The following PID1 variants were observed in gnomAD, a reference collection of about 807,000 sequenced individuals.
PID1 encodes the protein PTB-containing, cubilin and LRP1-interacting protein.
Under a neutral mutation model 19.1 loss-of-function variants are expected in PID1, and 10 were observed. The observed-to-expected ratio is 0.52, with a 90% confidence interval of 0.32 to 0.89. The LOEUF (loss-of-function observed/expected upper bound fraction) is 0.89, where lower values mean the gene tolerates loss of function less well. Ranked by LOEUF, PID1 falls within the 40% of genes least tolerant of loss-of-function variation. The pLI is 0.03. For synonymous variants in PID1, 130 were observed against 116.0 expected, an observed-to-expected ratio of 1.12 and a Z score of -0.78; for missense variants, 248 against 285.3, an observed-to-expected ratio of 0.87 and a Z score of 0.94.
intron 1 of PID1, among the ~76,000 whole-genome samples, chr2:229,246,380 T>C (rs1690003557): frequency 6.6e-6 from 1 of 152,168 alleles, no homozygotes; most frequent in Non-Finnish European, 1.5e-5. Context: ...TGGAATATCA[T>C]GCAATATCCC....
chr2:229,268,600 T>G (rs1690654069), intron 1 of PID1, among the ~76,000 whole-genome samples: 1 of 152,172 alleles, frequency 6.6e-6, no homozygotes, highest in Admixed American at 6.5e-5. Context: ...ATGTTTGTAT[T>G]AAAGATAAAT....
intron 1 of PID1, among the ~76,000 whole-genome samples, chr2:229,261,582 G>A (rs1690461801): frequency 6.6e-6 from 1 of 152,228 alleles, no homozygotes; most frequent in Non-Finnish European, 1.5e-5. Flanking sequence ...AAGCAACTCT[G>A]AGGAAAGGTT....
intron 2 of PID1, among the ~76,000 whole-genome samples, chr2:229,152,397 T>A (rs190571335): frequency 2.0e-4 from 30 of 152,278 alleles, no homozygotes; most frequent in Admixed American, 1.8e-3. Context: ...TGGCTATAGG[T>A]TGCATCCCCC....
intron 2 of PID1, among the ~76,000 whole-genome samples, chr2:229,139,791 A>AT (rs1218169087): frequency 6.6e-6 from 1 of 152,216 alleles, no homozygotes; most frequent in Non-Finnish European, 1.5e-5. Flanking sequence ...CCTTGATATA[A>AT]TAAGGAGGAA....
chr2:229,236,974 C>T (rs1049070914), intron 1 of PID1, among the ~76,000 whole-genome samples: 1 of 127,902 alleles, frequency 7.8e-6, no homozygotes, highest in Non-Finnish European at 1.6e-5. Context: ...CGGCCTTCTC[C>T]TTTACACACA....
intron 1 of PID1, chr2:229,232,118 A>C (rs1311967686): frequency 1.5e-5 from 22 of 1,470,262 alleles, no homozygotes; most frequent in Non-Finnish European, 2.0e-5. Flanking sequence ...CTGATGACTT[A>C]ACCACCTCTT....
chr2:229,188,234 T>C (rs1442883830), intron 1 of PID1, among the ~76,000 whole-genome samples: 1 of 151,904 alleles, frequency 6.6e-6, no homozygotes, highest in Non-Finnish European at 1.5e-5. Flanking sequence ...TGGCTTCCAT[T>C]CATTTCTTGG....
At chr2:229,235,295 A>G (rs145583704) in intron 1 of PID1, among the ~76,000 whole-genome samples, 30 of 152,302 alleles carry the variant, frequency 2.0e-4, no homozygotes, top group African/African-American at 6.7e-4. Flanking sequence ...TACTCTACTC[A>G]GAGCCTGAGG....
In PID1 at chr2:229,132,231, C is replaced by A. The variant is rs1469634520; in HGVS notation, c.177+23587G>T. Among the ~76,000 whole-genome samples the A allele has an allele frequency of 2.0e-5, 3 of 152,182 alleles. No individual in the cohort carries two copies. In the East Asian group the frequency reaches 5.8e-4, roughly 29 times the overall value. ...TTGTTCTATCTCCTTGGGGTCATGG[C>A]TCCAATGAGCTTCTGAGGACCACAA... On this transcript the variant is annotated intron_variant, in intron 2 of 2. Coordinates refer to ENST00000392055, the MANE Select transcript of PID1 (RefSeq NM_001100818.2).
Position 229,271,079 on chromosome 2 carries a change from C to A in PID1, c.-36G>T, listed in dbSNP as rs374306470. Reference sequence around the variant, plus strand: ...TGGGTTTTGGCAGAGGAGACGCTGGCGAGACTGTCGATCGCGCCGGGGGGC... The same window carrying A: ...TGGGTTTTGGCAGAGGAGACGCTGGAGAGACTGTCGATCGCGCCGGGGGGC... On this transcript the variant is annotated 5_prime_UTR_variant, in exon 1 of 3. Coordinates refer to ENST00000392055, the MANE Select transcript of PID1 (RefSeq NM_001100818.2). 2.0e-5 allele frequency: 30 copies of A among 1,538,022 alleles called. No homozygotes were observed. In the South Asian group the frequency reaches 2.8e-4, roughly 14 times the overall value.
At chr2:229,156,013 T>C (rs1188443371) in intron 1 of PID1, 49 bp from the exon 2 acceptor site, 2 of 1,564,748 alleles carry the variant, frequency 1.3e-6, no homozygotes, top group Non-Finnish European at 1.7e-6. Flanking sequence ...CTTGGACTTT[T>C]ATGTCCTGCA....
intron 1 of PID1, among the ~76,000 whole-genome samples, chr2:229,210,608 T>C (rs1414988982): frequency 6.7e-6 from 1 of 150,216 alleles, no homozygotes; most frequent in African/African-American, 2.4e-5. Context: ...CAGCATCTTT[T>C]GCTACACAAG....
At chr2:229,198,047 G>A (rs923113376) in intron 1 of PID1, among the ~76,000 whole-genome samples, 2 of 151,928 alleles carry the variant, frequency 1.3e-5, no homozygotes, top group South Asian at 2.1e-4. Context: ...TTACAAAACC[G>A]CTGATAGCTT....
intron 2 of PID1, among the ~76,000 whole-genome samples, chr2:229,139,039 G>GAAAGAAAGAGAA (rs879704273): frequency 6.2e-5 from 3 of 48,378 alleles, no homozygotes; most frequent in East Asian, 4.7e-4. Flanking sequence ...AAGAAAGAAA[G>GAAAGAAAGAGAA]AGAAAGAAAG....
chr2:229,093,035 G>A (rs1484439624), intron 2 of PID1, among the ~76,000 whole-genome samples: 4 of 152,094 alleles, frequency 2.6e-5, no homozygotes, highest in Non-Finnish European at 5.9e-5. Flanking sequence ...CTCACTGTCA[G>A]TCTCCTTCAC....
At chr2:229,164,905 G>A (rs1690568127) in intron 1 of PID1, among the ~76,000 whole-genome samples, 1 of 152,140 alleles carries the variant, frequency 6.6e-6, no homozygotes, top group Admixed American at 6.6e-5. Context: ...TTTTCAGAGG[G>A]TCTCCTTAAA....
chr2:229,237,760 G>A (rs928660418), intron 1 of PID1, among the ~76,000 whole-genome samples: 1 of 152,088 alleles, frequency 6.6e-6, no homozygotes, highest in East Asian at 1.9e-4. Context: ...ACACAAGCAC[G>A]TATAAATACT....
At chr2:229,209,535 C>T (rs1187618961) in intron 1 of PID1, among the ~76,000 whole-genome samples, 1 of 152,200 alleles carries the variant, frequency 6.6e-6, no homozygotes, top group African/African-American at 2.4e-5. Context: ...GGGGAAGAAG[C>T]CTGGATCCCT....
chr2:229,184,320 GTATATATATCCCA>G lies in PID1; in HGVS notation c.31-28369_31-28357del, dbSNP rs1691041647. On this transcript the variant is annotated intron_variant, in intron 1 of 2. Coordinates refer to ENST00000392055, the MANE Select transcript of PID1 (RefSeq NM_001100818.2). ...TATATCCCATGTATATATATCCCAT[GTATATATATCCCA>G]TATATATATCCCATATATATATCAC... Among the ~76,000 whole-genome samples the G allele has an allele frequency of 4.9e-5, 6 of 121,504 alleles. 3 individuals carry two copies. In the East Asian group the frequency reaches 9.4e-4, roughly 19 times the overall value. The allele number at this position is 121,504 out of a possible 152,430, so 79.7% of individuals were successfully genotyped here.
Sources: gnomAD v4.1 joint callset for allele counts (sites outside exome capture counted in the v4.1 genomes callset) on GRCh38, gnomAD v4.1.1 for gene constraint, MANE v1.5 for transcripts, NCBI Gene and HGNC (gene_info 2026-07-23, HGNC 2026-07-21) for gene names.